Variants in ZPBP2 observed in about 807,000 individuals in gnomAD.
The protein encoded by ZPBP2 is zona pellucida-binding protein 2.
In ZPBP2, 34 loss-of-function variants were observed where a neutral mutation model predicts 37.5. The observed-to-expected ratio is 0.91, with a 90% CI of 0.69 to 1.21. ZPBP2 has a LOEUF of 1.21. Among genes scored for constraint, ZPBP2 ranks in the 50% most tolerant of loss-of-function variants. The pLI is 0.00. For synonymous variants in ZPBP2, 143 were observed against 138.4 expected, an observed-to-expected ratio of 1.03 and a Z score of -0.23; for missense variants, 397 against 413.5, an observed-to-expected ratio of 0.96 and a Z score of 0.35.
Position 39,868,256 on chromosome 17 carries a change from C to T in ZPBP2, c.-99C>T. The T allele has an allele frequency of 7.2e-7, 1 of 1,393,554 alleles. No individual in the cohort carries two copies. The highest frequency in any genetic ancestry group is 9.8e-7 in the Non-Finnish European group (1 of 1,024,252). The allele number at this position is 1,393,554 out of a possible 1,614,324, so 86.3% of individuals were successfully genotyped here. ...GGGTAGGGGAGGCGACCCCGGCGTT[C>T]TGCTCCGCACTGTGGAGGAGGTGGG... On this transcript the variant is annotated 5_prime_UTR_variant, in exon 1 of 8. Transcript: ENST00000348931.
Position 39,868,247 on chromosome 17 carries a change from C to G in ZPBP2, c.-108C>G, listed in dbSNP as rs1436103736. The G allele has an allele frequency of 2.3e-6, 3 of 1,308,798 alleles. No individual in the cohort carries two copies. The highest frequency in any genetic ancestry group is 3.1e-6 in the Non-Finnish European group (3 of 954,278). The allele number at this position is 1,308,798 out of a possible 1,614,324, so 81.1% of individuals were successfully genotyped here. A position where few individuals can be genotyped will look rare whatever the true frequency, so the allele number is the denominator to read the frequency against. On this transcript the variant is annotated 5_prime_UTR_variant, in exon 1 of 8. Transcript: ENST00000348931. ...GCGACGGACGGGTAGGGGAGGCGAC[C>G]CCGGCGTTCTGCTCCGCACTGTGGA...
intron 7 of ZPBP2, among the ~76,000 whole-genome samples, chr17:39,875,883 CTTT>C (rs34192567): frequency 9.4e-5 from 6 of 63,770 alleles, no homozygotes; most frequent in South Asian, 5.7e-4. Context: ...TGCTTGGCCC[CTTT>C]TTTTTTTTTT....
At position 39,873,087 on chromosome 17, in the gene ZPBP2, T is replaced by C; in HGVS notation, c.669T>C (p.Ser223=). The change falls in exon 6 of 8, where the codon TCT becomes TCC. Residue 223 remains serine, a synonymous_variant. Coordinates refer to ENST00000348931, the MANE Select transcript of ZPBP2 (RefSeq NM_199321.3). ...GGTGGAAAGGTGCTTGCAATGGATCTGTTGACTGTGAAGATACCACTAATC... is the reference window on the plus strand; with the variant it reads ...GGTGGAAAGGTGCTTGCAATGGATCCGTTGACTGTGAAGATACCACTAATC... ...APGWKGACNG[S]VDCEDTTNHN... The C allele has an allele frequency of 6.2e-7, 1 of 1,612,296 alleles. No individual in the cohort carries two copies. The highest frequency in any genetic ancestry group is 1.1e-5 in the South Asian group (1 of 90,598).
chr17:39,875,550 AT>A (rs761714762), intron 7 of ZPBP2, 116 bp downstream of exon 7: 1 of 799,594 alleles, frequency 1.3e-6, no homozygotes, highest in Non-Finnish European at 1.7e-6. Context: ...ACCAAAAAAT[AT>A]ATATATATTT....
In ZPBP2 at chr17:39,870,781, C is replaced by T. The variant is rs189660050; in HGVS notation, c.206C>T (p.Thr69Ile). Residue 69 changes from threonine (T) to isoleucine (I), a missense_variant, in exon 3 of 8, where the codon ACC (threonine) becomes ATC (isoleucine). Thr to Ile is a moderately conservative substitution (Grantham distance 89, BLOSUM62 -1). Transcript: ENST00000348931. ...KLSKKEIVDP[T>I]YLWIGPNEKT... is the part of the protein sequence containing the mutation. ...TCTAAAAAAGAAATAGTGGACCCCA[C>T]CTACTTATGGATTGGGCCTAATGAA... The T allele has an allele frequency of 4.7e-5, 73 of 1,565,920 alleles. 1 individual carries two copies. The Admixed American group carries it at 5.9e-4, about 13-fold the overall frequency.
chr17:39,876,941 C>T lies in ZPBP2; in HGVS notation c.*132C>T. 8.7e-7 allele frequency: 1 copy of T among 1,153,968 alleles called. No individual in the cohort carries two copies. Among genetic ancestry groups the T allele is most frequent in the Non-Finnish European group, 1.2e-6 (1 of 816,872 alleles). 71.5% of individuals were successfully genotyped at this position (1,153,968 alleles called of 1,614,324 possible). ...CACTGGAAAACATGCATTTTGGAAACTTTAAAATAAATGGTTAACATGGCA... is the reference window on the plus strand; with the variant it reads ...CACTGGAAAACATGCATTTTGGAAATTTTAAAATAAATGGTTAACATGGCA... On this transcript the variant is annotated 3_prime_UTR_variant, in exon 8 of 8. Coordinates refer to ENST00000348931, the MANE Select transcript of ZPBP2 (RefSeq NM_199321.3).
At position 39,870,731 on chromosome 17, in the gene ZPBP2, C is replaced by A; in HGVS notation, c.156C>A (p.Val52=). Reference sequence around the variant, plus strand: ...TAGAGTTACATCAAAATAGTCCAGTCCTTATCTGTATGGATTTTAAGCTTT... The same window carrying A: ...TAGAGTTACATCAAAATAGTCCAGTACTTATCTGTATGGATTTTAAGCTTT... ...IYVELHQNSP[V]LICMDFKLSK... The change falls in exon 3 of 8, where the codon GTC becomes GTA. Residue 52 remains valine, a synonymous_variant. Coordinates refer to ENST00000348931, the MANE Select transcript of ZPBP2 (RefSeq NM_199321.3). 6.5e-7 allele frequency: 1 copy of A among 1,544,770 alleles called. No individual in the cohort carries two copies. The highest frequency in any genetic ancestry group is 1.2e-5 in the South Asian group (1 of 80,674).
chr17:39,875,268 A>C lies in ZPBP2; in HGVS notation c.723A>C (p.Ile241=), dbSNP rs1392865031. The C allele has an allele frequency of 3.7e-6, 6 of 1,610,720 alleles. No homozygotes were observed. Among genetic ancestry groups the C allele is most frequent in the Non-Finnish European group, 5.1e-6 (6 of 1,179,070 alleles). The change falls in exon 7 of 8, where the codon ATA becomes ATC. Residue 241 remains isoleucine, a synonymous_variant. Transcript: ENST00000348931. ...NHNILQARDR[I]EDFFRSQAYI... Reference sequence around the variant, plus strand: ...TTCAACCTTAGGCAAGAGATCGAATAGAAGACTTTTTTCGGAGCCAAGCAT... The same window carrying C: ...TTCAACCTTAGGCAAGAGATCGAATCGAAGACTTTTTTCGGAGCCAAGCAT...
chr17:39,870,274 A>T (rs2063358187), intron 2 of ZPBP2, among the ~76,000 whole-genome samples: 1 of 150,672 alleles, frequency 6.6e-6, no homozygotes, highest in Non-Finnish European at 1.5e-5. Context: ...AAACTCCTGG[A>T]CTCAAGCGAT....
chr17:39,870,324 T>C (rs1485599230), intron 2 of ZPBP2, among the ~76,000 whole-genome samples: 1 of 152,228 alleles, frequency 6.6e-6, no homozygotes, highest in African/African-American at 2.4e-5. Flanking sequence ...ATTACAGGCG[T>C]GAGCCACCGT....
rs962258509 is a variant in ZPBP2 at position 39,868,220 on chromosome 17, T to C, written c.-135T>C. 2.5e-5 allele frequency: 24 copies of C among 948,400 alleles called. No homozygotes were observed. The highest frequency in any genetic ancestry group is 3.7e-5 in the Non-Finnish European group (24 of 647,246). The allele number at this position is 948,400 out of a possible 1,614,324, so 58.7% of individuals were successfully genotyped here. A position where few individuals can be genotyped will look rare whatever the true frequency, so the allele number is the denominator to read the frequency against. On this transcript the variant is annotated 5_prime_UTR_variant, in exon 1 of 8. Transcript: ENST00000348931. ...TTCTCCTGCGCGTCCGCTCCCGCCG[T>C]TGCGACGGACGGGTAGGGGAGGCGA...
intron 6 of ZPBP2, among the ~76,000 whole-genome samples, chr17:39,873,340 G>A (rs578043953): frequency 1.5e-4 from 23 of 151,982 alleles, no homozygotes; most frequent in South Asian, 6.2e-4. Context: ...ATATTGAAAC[G>A]TTTCTTTAAA....
intron 2 of ZPBP2, among the ~76,000 whole-genome samples, chr17:39,869,370 C>T (rs2063350722): frequency 1.4e-5 from 2 of 145,418 alleles, no homozygotes; most frequent in Non-Finnish European, 3.0e-5. Flanking sequence ...TGATCATGAT[C>T]ATCTATCTTT....
chr17:39,868,588 T>C lies in ZPBP2; in HGVS notation c.92T>C (p.Phe31Ser). The change falls in exon 2 of 8, where the codon TTC (phenylalanine) becomes TCC (serine). Residue 31 changes from phenylalanine to serine, a missense_variant. Coordinates refer to ENST00000348931, the MANE Select transcript of ZPBP2 (RefSeq NM_199321.3). ...PRFTLFNKKG[F>S]IYGKTGQPDK... ...TTTACCTTATTCAATAAGAAGGGCT[T>C]CATTTATGGCAAGACAGGACAGCCA... 6.2e-7 allele frequency: 1 copy of C among 1,614,160 alleles called. No homozygotes were observed. The highest frequency in any genetic ancestry group is 8.5e-7 in the Non-Finnish European group (1 of 1,180,020).
chr17:39,871,567 T>G lies in ZPBP2; in HGVS notation c.348T>G (p.Val116=). 6.2e-7 allele frequency: 1 copy of G among 1,602,334 alleles called. No homozygotes were observed. Among genetic ancestry groups the G allele is most frequent in the Non-Finnish European group, 8.5e-7 (1 of 1,175,752 alleles). The change falls in exon 4 of 8, where the codon GTT becomes GTG. Residue 116 remains valine (V), a synonymous_variant. Coordinates refer to ENST00000348931, the MANE Select transcript of ZPBP2 (RefSeq NM_199321.3). ...CATGTACTCTTTCTTATAAGACTGT[T>G]AAAGCAGAAACTCAAGAAGAAAAAA... is the stretch of plus-strand genomic sequence containing the variant. ...LYTCTLSYKT[V]KAETQEEKTV...
Position 39,875,423 on chromosome 17 carries a change from C to A in ZPBP2, c.878C>A (p.Ala293Asp), listed in dbSNP as rs768138293. 5.6e-6 allele frequency: 9 copies of A among 1,599,808 alleles called. No homozygotes were observed. Among genetic ancestry groups the A allele is most frequent in the Non-Finnish European group, 7.7e-6 (9 of 1,175,176 alleles). ...AATGAACGTCTACACAGTAATTGCG[C>A]TAGCTGTTGTGGTAACTATAAAATA... The part of the protein sequence containing the change: ...GKNERLHSNC[A>D]SCCVVCSPAT... Residue 293 changes from alanine (A) to aspartate (D), a missense_variant, in exon 7 of 8, where the codon GCT (alanine) becomes GAT (aspartate). Ala to Asp is a moderately radical substitution (Grantham distance 126, BLOSUM62 -2). Transcript: ENST00000348931.
intron 7 of ZPBP2, among the ~76,000 whole-genome samples, chr17:39,876,052 G>T (rs1184675911): frequency 1.3e-5 from 2 of 151,528 alleles, no homozygotes; most frequent in African/African-American, 4.8e-5. Flanking sequence ...TTACAGGTGT[G>T]CAATCTGTAA....
chr17:39,872,150 T>C (rs930934519), intron 4 of ZPBP2, 120 bp from the exon 5 acceptor site: 17 of 705,728 alleles, frequency 2.4e-5, no homozygotes, highest in African/African-American at 2.4e-4. Context: ...ACGTTATGTT[T>C]CTATGCTGAC....
rs373668240 is a variant in ZPBP2, at chr17:39,871,609, T to C, written c.390T>C (p.Tyr130=). The C allele has an allele frequency of 5.1e-6, 8 of 1,580,478 alleles. No individual in the cohort carries two copies. The highest frequency in any genetic ancestry group is 2.4e-5 in the South Asian group (2 of 83,692). ...AAGAAAAAACAGTCAAAAAGAGATA[T>C]GACTTTATGGTCTTTGGTAAGAATT... The part of the protein sequence containing the change: ...TQEEKTVKKR[Y]DFMVFAYREP... Residue 130 remains tyrosine (Y), a synonymous_variant, in exon 4 of 8, where the codon TAT becomes TAC. Transcript: ENST00000348931.
Sources: allele counts gnomAD v4.1 joint callset (sites outside exome capture counted in the v4.1 genomes callset), GRCh38; gene constraint gnomAD v4.1.1; transcripts MANE v1.5; gene names NCBI Gene and HGNC (gene_info 2026-07-23, HGNC 2026-07-21).